The following CCDC25 variants were observed in gnomAD, a reference collection of about 807,000 sequenced individuals.
The protein encoded by CCDC25 is coiled-coil domain containing 25.
Under a neutral mutation model 35.3 loss-of-function variants are expected in CCDC25, and 16 were observed. That is an observed-to-expected ratio of 0.45 (90% CI 0.31 to 0.69). The LOEUF (loss-of-function observed/expected upper bound fraction) is 0.69, where lower values mean the gene tolerates loss of function less well. Ranked by LOEUF, CCDC25 falls within the 30% of genes least tolerant of loss-of-function variation. The pLI, the probability that CCDC25 is intolerant of heterozygous loss-of-function variation, is 0.06. For synonymous variants in CCDC25, 79 were observed against 80.3 expected (o/e 0.98, Z 0.09); for missense variants, 179 against 250.7 (o/e 0.71, Z 1.93).
intron 8 of CCDC25, 50 bp from the exon 9 acceptor site, chr8:27,736,295 T>A: frequency 1.4e-6 from 2 of 1,432,940 alleles, no homozygotes; most frequent in Middle Eastern, 1.8e-4. Context: ...AATAATTCAA[T>A]ATTTAAAATT....
At chr8:27,762,362 C>A in intron 3 of CCDC25, 57 bp downstream of exon 3, 1 of 1,492,910 alleles carries the variant, frequency 6.7e-7, no homozygotes, top group South Asian at 1.1e-5. Flanking sequence ...AATGCTTGGC[C>A]AAGTCTAAGA....
rs907203330 is a variant in CCDC25 at position 27,752,527 on chromosome 8, C to T, written c.229G>A (p.Ala77Thr). The change falls in exon 5 of 9, where the codon GCC (alanine) becomes ACC (threonine). Residue 77 changes from alanine to threonine, a missense_variant. Coordinates refer to ENST00000356537, the MANE Select transcript of CCDC25 (RefSeq NM_018246.3). ...VLMDCAHLVKANSIQGCKMNN... is the reference protein window; with the variant it reads ...VLMDCAHLVKTNSIQGCKMNN... The stretch of plus-strand genomic sequence containing the variant: ...GAAAACTGACCTTGAATGCTATTGG[C>T]CTTCACAAGGTGGGCACAGTCCATC... 2 of 1,613,332 alleles carry T rather than the reference C, an allele frequency of 1.2e-6. No homozygotes were observed. The highest frequency in any genetic ancestry group is 1.7e-5 in the Admixed American group (1 of 59,976).
intron 1 of CCDC25, among the ~76,000 whole-genome samples, chr8:27,771,511 ACT>A (rs1264811783): frequency 2.6e-5 from 4 of 152,004 alleles, no homozygotes; most frequent in East Asian, 1.9e-4. Flanking sequence ...AAGTTAGGTG[ACT>A]CTGCTCTCTC....
chr8:27,764,925 G>T (rs1421155664), intron 2 of CCDC25, among the ~76,000 whole-genome samples: 1 of 152,154 alleles, frequency 6.6e-6, no homozygotes, highest in Non-Finnish European at 1.5e-5. Context: ...TGATTTAATG[G>T]TGAAGCAGTC....
At chr8:27,738,125 G>T (rs902942517) in intron 8 of CCDC25, among the ~76,000 whole-genome samples, 9 of 152,064 alleles carry the variant, frequency 5.9e-5, no homozygotes, top group Non-Finnish European at 1.2e-4. Context: ...AAGAGTGGGA[G>T]GGGGGTGAGG....
chr8:27,749,869 A>G (rs759843618), intron 5 of CCDC25, among the ~76,000 whole-genome samples: 2 of 152,240 alleles, frequency 1.3e-5, no homozygotes, highest in Non-Finnish European at 2.9e-5. Flanking sequence ...TGGATGGTTC[A>G]GCTAAAAAGG....
At chr8:27,741,241 G>A (rs1803427204) in intron 7 of CCDC25, among the ~76,000 whole-genome samples, 5 of 152,170 alleles carry the variant, frequency 3.3e-5, no homozygotes. Context: ...AAATATCCAT[G>A]TGCATAAGAC....
At chr8:27,738,601 G>GGTGTGTGTGT (rs35046025) in intron 8 of CCDC25, among the ~76,000 whole-genome samples, 21 of 149,958 alleles carry the variant, frequency 1.4e-4, no homozygotes, top group African/African-American at 5.2e-4. Flanking sequence ...TCGGTAGGTA[G>GGTGTGTGTGT]GTGTGTGTGT....
At chr8:27,762,490 A>T (rs200263702) in intron 2 of CCDC25, 32 bp from the exon 3 acceptor site, 69 of 1,602,132 alleles carry the variant, frequency 4.3e-5, no homozygotes, top group Non-Finnish European at 5.5e-5. Context: ...GAAAGAAACA[A>T]AAACTGTCAA....
At chr8:27,750,280 A>C (rs1803752098) in intron 5 of CCDC25, among the ~76,000 whole-genome samples, 2 of 152,232 alleles carry the variant, frequency 1.3e-5, no homozygotes. Flanking sequence ...ACTTGAGCCA[A>C]ATGGGTTGAC....
intron 4 of CCDC25, 109 bp from the exon 5 acceptor site, chr8:27,752,696 C>G: frequency 5.5e-6 from 4 of 732,684 alleles, no homozygotes; most frequent in East Asian, 5.4e-5. Flanking sequence ...TTACTAAAAG[C>G]AGAGGTTCTT....
chr8:27,752,459 C>T, intron 5 of CCDC25, 53 bp downstream of exon 5: 1 of 1,340,834 alleles, frequency 7.5e-7, no homozygotes, highest in Non-Finnish European at 1.1e-6. Flanking sequence ...TAATCCATTT[C>T]AGACACAGAG....
At chr8:27,756,675 A>C (rs764169558) in intron 4 of CCDC25, 44 bp downstream of exon 4, 1 of 1,291,530 alleles carries the variant, frequency 7.7e-7, no homozygotes, top group South Asian at 1.2e-5. Context: ...GATATGATGC[A>C]TCATCAGGAG....
chr8:27,762,355 G>A lies in CCDC25; in HGVS notation c.116+64C>T, dbSNP rs201378301. On this transcript the variant is annotated intron_variant, in intron 3 of 8. Transcript: ENST00000356537. ...TACAAAGCATGATTCTAGTTTGAAT[G>A]CTTGGCCAAGTCTAAGAAAGGAAAT... The A allele has an allele frequency of 1.4e-3, 1,945 of 1,428,070 alleles. 6 individuals carry two copies. The highest frequency in any genetic ancestry group is 3.7e-3 in the South Asian group (319 of 86,892). 88.5% of individuals were successfully genotyped at this position (1,428,070 alleles called of 1,614,324 possible). A position where few individuals can be genotyped will look rare whatever the true frequency, so the allele number is the denominator to read the frequency against.
chr8:27,767,021 G>A (rs1804424447), intron 1 of CCDC25, among the ~76,000 whole-genome samples: 1 of 152,090 alleles, frequency 6.6e-6, no homozygotes, highest in Non-Finnish European at 1.5e-5. Flanking sequence ...ACCTTGGTTA[G>A]CCTGCTATAA....
rs17478478 is a variant in CCDC25 at position 27,772,614 on chromosome 8, C to A, written c.-74G>T. 8.7e-3 allele frequency: 12,767 copies of A among 1,468,488 alleles called. 63 individuals carry two copies. The highest frequency in any genetic ancestry group is 0.01 in the Non-Finnish European group (11,203 of 1,078,110). 91.0% of individuals were successfully genotyped at this position (1,468,488 alleles called of 1,614,324 possible). On this transcript the variant is annotated 5_prime_UTR_variant, in exon 1 of 9. Coordinates refer to ENST00000356537, the MANE Select transcript of CCDC25 (RefSeq NM_018246.3). ...CTCACGAAGCTCAGGATACCAGACT[C>A]GCGGCGGCCGCCTGGCCCCCGGAAC...
intron 5 of CCDC25, among the ~76,000 whole-genome samples, chr8:27,750,197 G>A (rs1052451224): frequency 1.3e-5 from 2 of 152,146 alleles, no homozygotes; most frequent in African/African-American, 4.8e-5. Context: ...CAGAGAAAGT[G>A]GGGCCACTCA....
intron 7 of CCDC25, among the ~76,000 whole-genome samples, chr8:27,747,241 G>A (rs1803635370): frequency 6.6e-6 from 1 of 152,124 alleles, no homozygotes; most frequent in Non-Finnish European, 1.5e-5. Context: ...AGATTATTGT[G>A]AATTATCTGG....
At position 27,735,997 on chromosome 8, in the gene CCDC25, G is replaced by A. The variant is rs1803209715; in HGVS notation, c.*219C>T. The A allele has an allele frequency of 1.1e-5, 5 of 467,728 alleles. No individual in the cohort carries two copies. In the South Asian group the frequency reaches 1.8e-4, roughly 16 times the overall value. 29.0% of individuals were successfully genotyped at this position (467,728 alleles called of 1,614,324 possible). On this transcript the variant is annotated 3_prime_UTR_variant, in exon 9 of 9. Coordinates refer to ENST00000356537, the MANE Select transcript of CCDC25 (RefSeq NM_018246.3). ...TCTGGCAAAAACATTTTCACTTTAA[G>A]TTATATGCTGTCAAGTTCAACTATT...
Sources: allele counts gnomAD v4.1 joint callset (sites outside exome capture counted in the v4.1 genomes callset), GRCh38; gene constraint gnomAD v4.1.1; transcripts MANE v1.5; gene names NCBI Gene and HGNC (gene_info 2026-07-23, HGNC 2026-07-21).